Variants in CBLB observed in about 807,000 individuals in gnomAD.
CBLB encodes the protein E3 ubiquitin-protein ligase CBL-B.
A neutral mutation model predicts 104.9 loss-of-function variants in CBLB; 31 were observed. The ratio of observed to expected loss-of-function variants is 0.30; its 90% CI spans 0.22 to 0.40. CBLB has a LOEUF of 0.40. Among genes scored for constraint, CBLB ranks in the 10% least tolerant of loss-of-function variants. The pLI is 1.00. For missense variants in CBLB, 1,062 were observed against 1,214.6 expected, an observed-to-expected ratio of 0.87 and a Z score of 1.87; for synonymous variants, 440 against 422.6, an observed-to-expected ratio of 1.04 and a Z score of -0.51.
At chr3:105,852,926 A>G (rs2091143262) in intron 3 of CBLB, among the ~76,000 whole-genome samples, 2 of 152,168 alleles carry the variant, frequency 1.3e-5, no homozygotes, top group African/African-American at 4.8e-5. Flanking sequence ...CATGTTGGTC[A>G]GGCTGGTCTC....
chr3:105,799,966 C>T (rs1485460756), intron 3 of CBLB, among the ~76,000 whole-genome samples: 1 of 152,054 alleles, frequency 6.6e-6, no homozygotes, highest in African/African-American at 2.4e-5. Context: ...GACTAAGCAG[C>T]CAGGGACATA....
Position 105,786,065 on chromosome 3 carries a change from G to GT in CBLB, c.420-9524_420-9523insA, listed in dbSNP as rs112142451. 4.2e-4 allele frequency among the ~76,000 whole-genome samples: 58 copies of GT among 139,272 alleles called. 7 individuals are homozygous for GT. The highest frequency in any genetic ancestry group is 1.5e-3 in the African/African-American group (55 of 36,774). 91.4% of individuals were successfully genotyped at this position (139,272 alleles called of 152,430 possible). A position where few individuals can be genotyped will look rare whatever the true frequency, so the allele number is the denominator to read the frequency against. ...CATAACACTGTGTGAGAGGATCGGG[G>GT]GGGGGAAAGTGGGTAAAATGAAAGT... On this transcript the variant is annotated intron_variant, in intron 3 of 18. Transcript: ENST00000394030.
At chr3:105,708,963 T>C (rs1006337976) in intron 10 of CBLB, among the ~76,000 whole-genome samples, 7 of 151,954 alleles carry the variant, frequency 4.6e-5, no homozygotes, top group Non-Finnish European at 8.8e-5. Flanking sequence ...CCATCTACAC[T>C]GCCAAAAGGT....
chr3:105,867,461 A>G lies in CBLB; in HGVS notation c.117T>C (p.Ala39=). 2 of 1,614,220 alleles carry G rather than the reference A, an allele frequency of 1.2e-6. No individual in the cohort carries two copies. Among genetic ancestry groups the G allele is most frequent in the Non-Finnish European group, 8.5e-7 (1 of 1,180,036 alleles). Residue 39 remains alanine (A), a synonymous_variant, in exon 2 of 19, where the codon GCT becomes GCC. Transcript: ENST00000394030. ...IQDAVGPPKQ[A]AADRRTVEKT... ...TCTCCACGGTCCTGCGATCTGCGGC[A>G]GCTTGCTTAGGGGGTCCAACTGCAT...
At chr3:105,802,530 T>C (rs1410407922) in intron 3 of CBLB, among the ~76,000 whole-genome samples, 4 of 152,164 alleles carry the variant, frequency 2.6e-5, no homozygotes, top group African/African-American at 4.8e-5. Flanking sequence ...TTCACACCAA[T>C]GAAGGTCCCA....
At chr3:105,838,670 T>C (rs1577702472) in intron 3 of CBLB, among the ~76,000 whole-genome samples, 1 of 149,436 alleles carries the variant, frequency 6.7e-6, no homozygotes, top group South Asian at 2.1e-4. Context: ...TATCCTTCTT[T>C]TTTTTTTTTT....
intron 4 of CBLB, among the ~76,000 whole-genome samples, chr3:105,766,841 T>C (rs74454888): frequency 3.3e-5 from 5 of 152,214 alleles, no homozygotes; most frequent in African/African-American, 2.4e-5. Flanking sequence ...GAGGTATGCA[T>C]GTACTAGTAA....
Position 105,776,535 on chromosome 3 carries a change from G to A in CBLB, c.427C>T (p.Leu143Phe), listed in dbSNP as rs1385860243. Residue 143 changes from leucine (L) to phenylalanine (F), a missense_variant, in exon 4 of 19, where the codon CTC becomes TTC. Around this residue, in one of 2 missense-constraint regions of CBLB, gnomAD observed 457 missense variants for 632.0 expected, o/e 0.72. Transcript: ENST00000394030. ...YEEQSQDRRN[L>F]TKLSLIFSHM... ...CTGAAGATAAGGGACAGTTTTGTGAGATTTCGTCTGTAGGCACAAGGGAAA... is the reference window on the plus strand; with the variant it reads ...CTGAAGATAAGGGACAGTTTTGTGAAATTTCGTCTGTAGGCACAAGGGAAA... 6.2e-7 allele frequency: 1 copy of A among 1,613,578 alleles called. No homozygotes were observed. The highest frequency in any genetic ancestry group is 8.5e-7 in the Non-Finnish European group (1 of 1,179,802).
intron 3 of CBLB, among the ~76,000 whole-genome samples, chr3:105,807,188 A>C (rs2083617419): frequency 1.3e-5 from 2 of 152,206 alleles, no homozygotes; most frequent in African/African-American, 4.8e-5. Context: ...AATGTCACCT[A>C]AATAAATTTT....
intron 17 of CBLB, among the ~76,000 whole-genome samples, chr3:105,676,366 T>G (rs1222053471): frequency 1.3e-5 from 2 of 152,168 alleles, no homozygotes; most frequent in African/African-American, 4.8e-5. Flanking sequence ...CTAAAACCTT[T>G]TACAATTCTT....
chr3:105,848,227 A>AAT (rs2090527651), intron 3 of CBLB, among the ~76,000 whole-genome samples: 2 of 152,202 alleles, frequency 1.3e-5, no homozygotes, highest in East Asian at 3.9e-4. Context: ...AAATGATATA[A>AAT]AAGATGAAGG....
At chr3:105,778,280 TTG>T (rs1255590806) in intron 3 of CBLB, among the ~76,000 whole-genome samples, 5 of 152,172 alleles carry the variant, frequency 3.3e-5, no homozygotes, top group Admixed American at 1.3e-4. Context: ...TCATTGAAAG[TTG>T]TGTTTCTTTG....
chr3:105,699,569 A>G (rs1274614056), intron 12 of CBLB, among the ~76,000 whole-genome samples: 1 of 152,154 alleles, frequency 6.6e-6, no homozygotes, highest in Middle Eastern at 3.2e-3. Context: ...GAAACTGAGA[A>G]TTACAGGATC....
chr3:105,830,921 C>A (rs2087408087), intron 3 of CBLB, among the ~76,000 whole-genome samples: 2 of 152,110 alleles, frequency 1.3e-5, no homozygotes, highest in African/African-American at 4.8e-5. Flanking sequence ...TGGGAAGCAC[C>A]AAAATTATAA....
chr3:105,725,476 G>A (rs1414186268), intron 9 of CBLB, among the ~76,000 whole-genome samples: 1 of 152,112 alleles, frequency 6.6e-6, no homozygotes, highest in African/African-American at 2.4e-5. Flanking sequence ...AATATAGTGG[G>A]CATCCATCTA....
chr3:105,763,775 G>T (rs1455415996), intron 4 of CBLB, among the ~76,000 whole-genome samples: 1 of 152,210 alleles, frequency 6.6e-6, no homozygotes, highest in East Asian at 1.9e-4. Flanking sequence ...CTTCTTGCAA[G>T]CTAAGAAGTT....
chr3:105,754,529 G>GAGAC (rs1553767697), intron 4 of CBLB, among the ~76,000 whole-genome samples: 3,271 of 83,910 alleles, frequency 0.039, 46 homozygotes, highest in Non-Finnish European at 0.05. Context: ...GAGACAGAGA[G>GAGAC]AGAGAGAGAG....
intron 3 of CBLB, among the ~76,000 whole-genome samples, chr3:105,812,845 A>G (rs1048369463): frequency 2.0e-5 from 3 of 152,158 alleles, no homozygotes; most frequent in Non-Finnish European, 4.4e-5. Flanking sequence ...AATAAAATCA[A>G]TATCTTAATG....
chr3:105,716,889 T>A (rs1328344613), intron 10 of CBLB, among the ~76,000 whole-genome samples: 1 of 152,090 alleles, frequency 6.6e-6, no homozygotes, highest in Non-Finnish European at 1.5e-5. Flanking sequence ...AAGGATCAAT[T>A]TGAAAATGTC....
Sources: gnomAD v4.1 joint callset for allele counts (sites outside exome capture counted in the v4.1 genomes callset) on GRCh38, gnomAD v4.1.1 for gene constraint, gnomAD v4.1.1 regional missense constraint, MANE v1.5 for transcripts, NCBI Gene and HGNC (gene_info 2026-07-23, HGNC 2026-07-21) for gene names.